DICER1: variants seen among roughly 807,000 people sequenced by gnomAD.
The protein encoded by DICER1 is endoribonuclease Dicer.
In DICER1, 43 loss-of-function variants were observed where a neutral mutation model predicts 194.1. The ratio of observed to expected loss-of-function variants is 0.22; its 90% confidence interval spans 0.17 to 0.29. The LOEUF (loss-of-function observed/expected upper bound fraction) is 0.29, where lower values mean the gene tolerates loss of function less well. Among genes scored for constraint, DICER1 ranks in the 10% least tolerant of loss-of-function variants. DICER1 has a pLI of 1.00. For missense variants in DICER1, 1,608 were observed against 2,317.0 expected (o/e 0.69, Z 6.28); for synonymous variants, 832 against 820.5 (o/e 1.01, Z -0.24).
chr14:95,104,466 C>A lies in DICER1; in HGVS notation c.3270-340G>T, dbSNP rs143492008. 7.9e-3 allele frequency among the ~76,000 whole-genome samples: 1,197 copies of A among 152,304 alleles called. 12 individuals are homozygous for A. Among genetic ancestry groups the A allele is most frequent in the Non-Finnish European group, 1.0e-2 (677 of 68,020 alleles). ...AGTAACTCTGGGCAACTTACATAAA[C>A]TCTCTGTGCCTCAGCTTCTGCACCT... On this transcript the variant is annotated intron_variant, in intron 20 of 26. Transcript: ENST00000343455.
At chr14:95,109,572 T>C (rs183869239) in intron 14 of DICER1, among the ~76,000 whole-genome samples, 2 of 152,340 alleles carry the variant, frequency 1.3e-5, no homozygotes, top group Non-Finnish European at 2.9e-5. Context: ...TTAACGACTT[T>C]ATCACATGAA....
intron 1 of DICER1, among the ~76,000 whole-genome samples, chr14:95,154,919 T>C (rs1274371917): frequency 6.6e-6 from 1 of 151,368 alleles, no homozygotes; most frequent in Admixed American, 6.6e-5. Flanking sequence ...TTCATTCACC[T>C]GAACATTTAA....
rs530828266 is a variant in DICER1 at position 95,137,494 on chromosome 14, A to C, written c.-45-3991T>G. ...GACAGGAATGGGGATAGGGAAGGGG[A>C]AGGGAAAGGGGAAGGGGAAGGAAAA... is the stretch of plus-strand genomic sequence containing the variant. On this transcript the variant is annotated intron_variant, in intron 1 of 26. Transcript: ENST00000343455. 7.8e-5 allele frequency among the ~76,000 whole-genome samples: 11 copies of C among 141,638 alleles called. No individual in the cohort carries two copies. In the South Asian group the frequency reaches 2.1e-3, roughly 27 times the overall value. The allele number at this position is 141,638 out of a possible 152,430, so 92.9% of individuals were successfully genotyped here. A position where few individuals can be genotyped will look rare whatever the true frequency, so the allele number is the denominator to read the frequency against.
At chr14:95,132,302 GCAATC>G (rs1894015569) in intron 3 of DICER1, among the ~76,000 whole-genome samples, 1 of 152,056 alleles carries the variant, frequency 6.6e-6, no homozygotes, top group Non-Finnish European at 1.5e-5. Flanking sequence ...TGTTCCAAAA[GCAATC>G]CATTCAAAAG....
At chr14:95,121,278 G>A (rs1333542791) in intron 8 of DICER1, among the ~76,000 whole-genome samples, 1 of 152,068 alleles carries the variant, frequency 6.6e-6, no homozygotes. Flanking sequence ...TGACACCTTG[G>A]ATTAAAGACA....
At chr14:95,097,824 A>G (rs188616425) in intron 22 of DICER1, among the ~76,000 whole-genome samples, 104 of 152,280 alleles carry the variant, frequency 6.8e-4, no homozygotes, top group Non-Finnish European at 4.0e-4. Context: ...CATATCTCTA[A>G]CTATTTATCT....
chr14:95,151,707 T>C (rs1014919051), intron 1 of DICER1, among the ~76,000 whole-genome samples: 2 of 152,116 alleles, frequency 1.3e-5, no homozygotes, highest in African/African-American at 4.8e-5. Context: ...CTCTGCAAAG[T>C]GGAAAGAACT....
Position 95,124,126 on chromosome 14 carries a change from G to T in DICER1, c.1376+70C>A. ...CCTCATGCTAGCTCTTACAGCTGCT[G>T]CAGCGCATCACATCACAACACAGGA... On this transcript the variant is annotated intron_variant, in intron 8 of 26. Transcript: ENST00000343455. This position sits in a 1 kb window ranked among gnomAD's most constrained non-coding sequence, Gnocchi z 4.5. The T allele has an allele frequency of 8.8e-7, 1 of 1,134,714 alleles. No homozygotes were observed. The allele number at this position is 1,134,714 out of a possible 1,614,324, so 70.3% of individuals were successfully genotyped here. A position where few individuals can be genotyped will look rare whatever the true frequency, so the allele number is the denominator to read the frequency against.
chr14:95,154,237 A>T (rs923434631), intron 1 of DICER1, among the ~76,000 whole-genome samples: 1 of 152,182 alleles, frequency 6.6e-6, no homozygotes, highest in Non-Finnish European at 1.5e-5. Flanking sequence ...CTGACAGAGG[A>T]GTTGTTTGTA....
Position 95,112,247 on chromosome 14 carries a change from C to T in DICER1, c.2041G>A (p.Gly681Ser). ...INSPLRASIV[G>S]PPMSCVRLAE... ...AATCGTACACAGCTCATTGGTGGAC[C>T]CTGAAAATAACAAAAACCTTTCCAT... The change falls in exon 13 of 27, where the codon GGT (glycine) becomes AGT (serine). Residue 681 changes from glycine to serine, a missense_variant and splice_region_variant. Physicochemically the swap from Gly to Ser is moderately conservative, Grantham distance 56 (BLOSUM62 0). Coordinates refer to ENST00000343455, the MANE Select transcript of DICER1 (RefSeq NM_177438.3). 1.2e-6 allele frequency: 2 copies of T among 1,613,874 alleles called. No homozygotes were observed. The highest frequency in any genetic ancestry group is 1.7e-6 in the Non-Finnish European group (2 of 1,179,882).
intron 25 of DICER1, 43 bp downstream of exon 25, chr14:95,091,160 T>C (rs1439780662): frequency 6.2e-7 from 1 of 1,613,988 alleles, no homozygotes. Context: ...AAGTTGTTTT[T>C]AATTTTGTGG....
At chr14:95,121,562 G>A (rs925949043) in intron 8 of DICER1, among the ~76,000 whole-genome samples, 4 of 152,120 alleles carry the variant, frequency 2.6e-5, no homozygotes, top group African/African-American at 9.7e-5. Flanking sequence ...AAAAGGGGGA[G>A]GGGTAGAGAC....
rs927615677 is a variant in DICER1, at chr14:95,156,998, C to A, written c.-46+232G>T. On this transcript the variant is annotated intron_variant, in intron 1 of 26. Transcript: ENST00000343455. ...CCAGGGCTGCCTCGCGGGGAGGCGC[C>A]GGGGTCCGGGCCCAGGAGCAGAGCC... Among the ~76,000 whole-genome samples the A allele has an allele frequency of 3.4e-4, 52 of 152,204 alleles. 1 individual carries two copies. Among genetic ancestry groups the A allele is most frequent in the Admixed American group, 3.1e-3 (47 of 15,300 alleles).
chr14:95,133,203 A>C, intron 2 of DICER1, 112 bp downstream of exon 2: 1 of 1,051,460 alleles, frequency 9.5e-7, no homozygotes, highest in Non-Finnish European at 1.5e-6. Context: ...AAAATTAATC[A>C]GAAGTGGGAG....
Position 95,089,955 on chromosome 14 carries a change from G to A in DICER1, c.*543C>T, listed in dbSNP as rs962394544. The stretch of plus-strand genomic sequence containing the variant: ...CTTACTATCAGGTGCAACAGCGACC[G>A]GGAACATCACCTTACACAGTATAAC... On this transcript the variant is annotated 3_prime_UTR_variant, in exon 27 of 27. Transcript: ENST00000343455. 6.8e-5 allele frequency: 16 copies of A among 234,538 alleles called. No homozygotes were observed. Among genetic ancestry groups the A allele is most frequent in the Middle Eastern group, 1.2e-3 (1 of 808 alleles). The allele number at this position is 234,538 out of a possible 1,614,324, so 14.5% of individuals were successfully genotyped here. A position where few individuals can be genotyped will look rare whatever the true frequency, so the allele number is the denominator to read the frequency against.
rs894125412 is a variant in DICER1, at chr14:95,136,355, A to G, written c.-45-2852T>C. Among the ~76,000 whole-genome samples, 75 of 152,264 alleles carry G rather than the reference A, an allele frequency of 4.9e-4. 1 individual carries two copies. Among genetic ancestry groups the G allele is most frequent in the African/African-American group, 1.4e-3 (60 of 41,548 alleles). ...CGTGGTCTCAGTCAAACAGTGGCTC[A>G]CTGATCAAGGATCCAGTTTCTTTTT... On this transcript the variant is annotated intron_variant, in intron 1 of 26. Transcript: ENST00000343455.
At chr14:95,110,779 C>T (rs1173541752) in intron 14 of DICER1, among the ~76,000 whole-genome samples, 1 of 152,076 alleles carries the variant, frequency 6.6e-6, no homozygotes, top group Non-Finnish European at 1.5e-5. Context: ...GTGAACTCTG[C>T]TAGGATGCCC....
rs998606086 is a variant in DICER1 at position 95,113,371 on chromosome 14, C to T, written c.1908-147G>A. 3.7e-5 allele frequency: 30 copies of T among 800,378 alleles called. No individual in the cohort carries two copies. In the East Asian group the frequency reaches 6.1e-4, roughly 16 times the overall value. The allele number at this position is 800,378 out of a possible 1,614,324, so 49.6% of individuals were successfully genotyped here. A position where few individuals can be genotyped will look rare whatever the true frequency, so the allele number is the denominator to read the frequency against. The stretch of plus-strand genomic sequence containing the variant: ...ATTTAAACTTTACTGCTTCAAACTT[C>T]GAATAAGACAGAATAGTGTTGTCTA... On this transcript the variant is annotated intron_variant, in intron 11 of 26. Coordinates refer to ENST00000343455, the MANE Select transcript of DICER1 (RefSeq NM_177438.3).
intron 1 of DICER1, among the ~76,000 whole-genome samples, chr14:95,152,883 C>A (rs769079825): frequency 6.6e-6 from 1 of 152,176 alleles, no homozygotes; most frequent in Non-Finnish European, 1.5e-5. Context: ...CACCACGATA[C>A]AACCAGTCTT....
Sources: gnomAD v4.1 joint callset for allele counts (sites outside exome capture counted in the v4.1 genomes callset) on GRCh38, gnomAD v4.1.1 for gene constraint, Gnocchi (gnomAD v3.1) non-coding constraint, MANE v1.5 for transcripts, NCBI Gene and HGNC (gene_info 2026-07-23, HGNC 2026-07-21) for gene names.